Variants in TSC22D1 observed in about 807,000 individuals in gnomAD.
TSC22D1 encodes the protein TSC22 domain family protein 1.
In TSC22D1, 9 loss-of-function variants were observed where a neutral mutation model predicts 74.2. That is an observed-to-expected ratio of 0.12 (90% CI 0.07 to 0.21). The LOEUF (loss-of-function observed/expected upper bound fraction) is 0.21. TSC22D1 is among the 10% of genes least tolerant of loss of function. The pLI is 1.00. For missense variants in TSC22D1, 1,427 were observed against 1,304.7 expected, an observed-to-expected ratio of 1.09 and a Z score of -1.44; for synonymous variants, 586 against 492.5, an observed-to-expected ratio of 1.19 and a Z score of -2.51.
At chr13:44,495,701 C>T (rs1057484105) in intron 1 of TSC22D1, among the ~76,000 whole-genome samples, 6 of 151,938 alleles carry the variant, frequency 3.9e-5, no homozygotes, top group African/African-American at 1.4e-4. Context: ...ATATAAACAC[C>T]TACATCTACA....
At chr13:44,456,239 G>A (rs992146490) in intron 1 of TSC22D1, among the ~76,000 whole-genome samples, 7 of 152,174 alleles carry the variant, frequency 4.6e-5, no homozygotes, top group East Asian at 1.9e-4. Context: ...CCACGGCGGA[G>A]AAGAAGACCC....
chr13:44,527,414 T>C (rs1269237968), intron 1 of TSC22D1, among the ~76,000 whole-genome samples: 2 of 152,168 alleles, frequency 1.3e-5, no homozygotes, highest in Non-Finnish European at 2.9e-5. Flanking sequence ...GGTAATGCTA[T>C]GTTATAAGGT....
At chr13:44,525,795 CAAAAAAAAAAAA>C (rs59399056) in intron 1 of TSC22D1, among the ~76,000 whole-genome samples, 1 of 88,552 alleles carries the variant, frequency 1.1e-5, no homozygotes, top group Non-Finnish European at 2.6e-5. Flanking sequence ...TAGCTTTTAA[CAAAAAAAAAAAA>C]AAAAAAAAAA....
intron 1 of TSC22D1, among the ~76,000 whole-genome samples, chr13:44,479,745 A>C (rs1878092503): frequency 6.6e-6 from 1 of 152,248 alleles, no homozygotes; most frequent in African/African-American, 2.4e-5. Context: ...AAGGACACAC[A>C]GTCTTCTCAG....
At chr13:44,528,074 C>G (rs530383733) in intron 1 of TSC22D1, among the ~76,000 whole-genome samples, 1 of 152,154 alleles carries the variant, frequency 6.6e-6, no homozygotes, top group Admixed American at 6.5e-5. Context: ...GTAAGGAGGA[C>G]TAGTCAAATC....
chr13:44,491,875 G>T (rs80012276), intron 1 of TSC22D1, among the ~76,000 whole-genome samples: 2 of 152,282 alleles, frequency 1.3e-5, no homozygotes, highest in South Asian at 4.1e-4. Context: ...AAAACAATGC[G>T]ATATCATCTT....
intron 1 of TSC22D1, among the ~76,000 whole-genome samples, chr13:44,540,989 A>G (rs1008285941): frequency 3.9e-5 from 6 of 152,194 alleles, no homozygotes; most frequent in African/African-American, 1.4e-4. Flanking sequence ...AGTCAGTCAC[A>G]GTATCCTATT....
In TSC22D1 at chr13:44,434,861, A is replaced by G; in HGVS notation, c.2987T>C (p.Met996Thr). The stretch of plus-strand genomic sequence containing the variant: ...CTCCACTTCTTCTCTGACCGCATAC[A>G]TCAAATGGCTTTTCACTAGATCCTG... Reference protein sequence around the residue: ...QAMDLVKSHLMYAVREEVEVL... With the variant: ...QAMDLVKSHLTYAVREEVEVL... Residue 996 changes from methionine to threonine, a missense_variant, in exon 3 of 3, where the codon ATG becomes ACG. Physicochemically the swap from Met to Thr is moderately conservative, Grantham distance 81 (BLOSUM62 -1). Around this residue, in one of 3 missense-constraint regions of TSC22D1, gnomAD observed 21 missense variants for 62.7 expected, o/e 0.34. Coordinates refer to ENST00000458659, the MANE Select transcript of TSC22D1 (RefSeq NM_183422.4). The G allele has an allele frequency of 6.2e-7, 1 of 1,613,570 alleles. No homozygotes were observed. Among genetic ancestry groups the G allele is most frequent in the Non-Finnish European group, 8.5e-7 (1 of 1,179,836 alleles).
chr13:44,559,360 A>AT (rs1402543890), intron 1 of TSC22D1, among the ~76,000 whole-genome samples: 2 of 152,130 alleles, frequency 1.3e-5, no homozygotes, highest in African/African-American at 4.8e-5. Context: ...ATAAAGCAGC[A>AT]TTTTTTCCTA....
At chr13:44,524,827 C>T (rs759567106) in intron 1 of TSC22D1, among the ~76,000 whole-genome samples, 4 of 152,108 alleles carry the variant, frequency 2.6e-5, no homozygotes, top group Non-Finnish European at 4.4e-5. Context: ...CGTGAGCCAC[C>T]GTGCCCAGCT....
chr13:44,559,786 G>A (rs1322556773), intron 1 of TSC22D1, among the ~76,000 whole-genome samples: 1 of 151,898 alleles, frequency 6.6e-6, no homozygotes, highest in African/African-American at 2.4e-5. Context: ...TGCCTTCCAG[G>A]TCCAAACGAT....
chr13:44,501,571 G>C (rs1401025803), intron 1 of TSC22D1, among the ~76,000 whole-genome samples: 7 of 149,056 alleles, frequency 4.7e-5, no homozygotes, highest in Non-Finnish European at 1.5e-5. Flanking sequence ...CCGGGTGGAG[G>C]GGGTAGCGTA....
chr13:44,549,673 G>A (rs1217203338), intron 1 of TSC22D1, among the ~76,000 whole-genome samples: 3 of 151,810 alleles, frequency 2.0e-5, no homozygotes, highest in Admixed American at 6.6e-5. Context: ...GGCTGAGGTG[G>A]GAGGGTGGCT....
chr13:44,491,402 A>C (rs538846117), intron 1 of TSC22D1, among the ~76,000 whole-genome samples: 2 of 151,954 alleles, frequency 1.3e-5, no homozygotes, highest in South Asian at 4.2e-4. Context: ...AAATACAAAA[A>C]AATTAGCTGG....
intron 1 of TSC22D1, among the ~76,000 whole-genome samples, chr13:44,503,419 G>C (rs943619075): frequency 5.3e-5 from 8 of 151,924 alleles, no homozygotes; most frequent in Non-Finnish European, 1.2e-4. Context: ...TACACATTGA[G>C]ACTAAAGTTG....
At chr13:44,518,091 T>G (rs1478836281) in intron 1 of TSC22D1, among the ~76,000 whole-genome samples, 1 of 149,448 alleles carries the variant, frequency 6.7e-6, no homozygotes, top group Non-Finnish European at 1.5e-5. Context: ...TGGACTCAAG[T>G]GATCCTCCAG....
At chr13:44,540,704 A>G (rs1881417511) in intron 1 of TSC22D1, among the ~76,000 whole-genome samples, 1 of 152,200 alleles carries the variant, frequency 6.6e-6, no homozygotes, top group Non-Finnish European at 1.5e-5. Flanking sequence ...ATTATAGATG[A>G]TGGCAAAGAT....
intron 1 of TSC22D1, among the ~76,000 whole-genome samples, chr13:44,443,101 C>T (rs949682459): frequency 6.7e-6 from 1 of 149,688 alleles, no homozygotes; most frequent in African/African-American, 2.5e-5. Context: ...CAATAACCTA[C>T]AGATCCAAGA....
chr13:44,495,814 A>G (rs539132195), intron 1 of TSC22D1, among the ~76,000 whole-genome samples: 1 of 152,230 alleles, frequency 6.6e-6, no homozygotes, highest in African/African-American at 2.4e-5. Context: ...ATGCAAAAAA[A>G]TTAAGTTGGA....
Sources: allele counts gnomAD v4.1 joint callset (sites outside exome capture counted in the v4.1 genomes callset), GRCh38; gene constraint gnomAD v4.1.1; regional missense constraint gnomAD v4.1.1; transcripts MANE v1.5; gene names NCBI Gene and HGNC (gene_info 2026-07-23, HGNC 2026-07-21).